The following FER variants were observed in gnomAD, a reference collection of about 807,000 sequenced individuals.
FER encodes tyrosine-protein kinase Fer.
In FER, 63 loss-of-function variants were observed where a neutral mutation model predicts 111.0. The ratio of observed to expected loss-of-function variants is 0.57; its 90% CI spans 0.46 to 0.70. The LOEUF is 0.70. Among genes scored for constraint, FER ranks in the 30% least tolerant of loss-of-function variants. The probability of loss-of-function intolerance (pLI) is 0.00; values close to 1 mark genes in which losing one functional copy is unlikely to be tolerated. For missense variants in FER, 914 were observed against 954.0 expected (o/e 0.96, Z 0.55); for synonymous variants, 327 against 313.9 (o/e 1.04, Z -0.44).
rs919771 is a variant in FER at position 109,044,718 on chromosome 5, T to C, written c.1752T>C (p.Asp584=). The C allele has an allele frequency of 0.13, 204,159 of 1,583,620 alleles. 14,514 individuals are homozygous for C. Among genetic ancestry groups the C allele is most frequent in the Non-Finnish European group, 0.14 (168,927 of 1,166,606 alleles). The stretch of plus-strand genomic sequence containing the variant: ...AAGTATATAAGGGCACATTAAAGGA[T>C]AAAACTTCTGTTGCTGTTAAAACAT... ...FGEVYKGTLK[D]KTSVAVKTCK... The change falls in exon 15 of 20, where the codon GAT becomes GAC. Residue 584 remains aspartate (D), a synonymous_variant. Coordinates refer to ENST00000281092, the MANE Select transcript of FER (RefSeq NM_005246.4).
intron 14 of FER, among the ~76,000 whole-genome samples, chr5:109,040,039 T>C (rs1314933653): frequency 1.3e-5 from 2 of 152,138 alleles, no homozygotes; most frequent in African/African-American, 4.8e-5. Context: ...TTGAATATCC[T>C]GATGGACTCT....
chr5:108,857,689 T>C (rs1763131135), intron 5 of FER, among the ~76,000 whole-genome samples: 1 of 152,142 alleles, frequency 6.6e-6, no homozygotes, highest in Non-Finnish European at 1.5e-5. Context: ...TTAATTTGTT[T>C]TTAATATAAG....
intron 10 of FER, among the ~76,000 whole-genome samples, chr5:108,927,349 T>C (rs1445044845): frequency 1.4e-5 from 2 of 145,162 alleles, no homozygotes; most frequent in Non-Finnish European, 3.0e-5. Flanking sequence ...CAAGCTCCGC[T>C]TCCCGGGTTC....
chr5:109,070,144 T>C (rs1775600195), intron 16 of FER, among the ~76,000 whole-genome samples: 2 of 150,254 alleles, frequency 1.3e-5, no homozygotes, highest in Non-Finnish European at 3.0e-5. Flanking sequence ...TTTTTTTTTT[T>C]CATCTCCGCA....
At chr5:108,906,754 C>G (rs369968255) in intron 10 of FER, among the ~76,000 whole-genome samples, 2 of 151,806 alleles carry the variant, frequency 1.3e-5, no homozygotes, top group Admixed American at 6.6e-5. Flanking sequence ...TTATTCATTA[C>G]TAAAATAATA....
At chr5:108,787,900 C>T (rs1754919750) in intron 2 of FER, among the ~76,000 whole-genome samples, 1 of 152,208 alleles carries the variant, frequency 6.6e-6, no homozygotes, top group Non-Finnish European at 1.5e-5. Flanking sequence ...TGCTCATCCT[C>T]CAGTTGTCTG....
At chr5:109,113,784 A>G (rs926245976) in intron 17 of FER, among the ~76,000 whole-genome samples, 1 of 152,160 alleles carries the variant, frequency 6.6e-6, no homozygotes, top group African/African-American at 2.4e-5. Flanking sequence ...AGCACAAAGT[A>G]TGTTTTACCT....
At chr5:108,898,307 A>T (rs1182924176) in intron 10 of FER, among the ~76,000 whole-genome samples, 2 of 152,280 alleles carry the variant, frequency 1.3e-5, no homozygotes, top group Non-Finnish European at 2.9e-5. Flanking sequence ...TGTGACCCTT[A>T]GACTACAATA....
At chr5:108,962,402 G>C (rs1053264424) in intron 13 of FER, among the ~76,000 whole-genome samples, 2 of 152,154 alleles carry the variant, frequency 1.3e-5, no homozygotes, top group Non-Finnish European at 2.9e-5. Context: ...TGACTACCAT[G>C]TATAAAATAA....
chr5:109,121,309 G>A (rs757686085), intron 17 of FER, among the ~76,000 whole-genome samples: 19 of 152,126 alleles, frequency 1.2e-4, no homozygotes, highest in Non-Finnish European at 2.5e-4. Flanking sequence ...ATGAAAACAT[G>A]TTGAATTTTG....
chr5:108,984,535 T>C (rs977182639), intron 13 of FER, among the ~76,000 whole-genome samples: 3 of 151,778 alleles, frequency 2.0e-5, no homozygotes, highest in Admixed American at 6.6e-5. Flanking sequence ...CCAAACATGA[T>C]GTTGGAGAAT....
chr5:108,905,341 T>A (rs1750603473), intron 10 of FER, among the ~76,000 whole-genome samples: 2 of 152,180 alleles, frequency 1.3e-5, no homozygotes, highest in African/African-American at 4.8e-5. Context: ...AAAAACTATA[T>A]GTATATATTT....
chr5:108,946,364 A>G (rs1186180919), intron 11 of FER, 142 bp downstream of exon 11: 9 of 519,692 alleles, frequency 1.7e-5, no homozygotes, highest in Non-Finnish European at 2.0e-5. Context: ...AAATGGAAAG[A>G]TAAGTGCATA....
chr5:108,790,389 G>A (rs1034046142), intron 2 of FER, among the ~76,000 whole-genome samples: 6 of 152,198 alleles, frequency 3.9e-5, no homozygotes, highest in Admixed American at 2.6e-4. Context: ...GCTTTTCTGT[G>A]TAGCTTAGAG....
At chr5:108,851,902 C>T (rs1419747474) in intron 5 of FER, among the ~76,000 whole-genome samples, 1 of 152,156 alleles carries the variant, frequency 6.6e-6, no homozygotes, top group African/African-American at 2.4e-5. Context: ...TATCATACAT[C>T]ATGTTCAGGA....
At chr5:108,769,296 G>T (rs1351103931) in intron 2 of FER, among the ~76,000 whole-genome samples, 2 of 152,094 alleles carry the variant, frequency 1.3e-5, no homozygotes, top group African/African-American at 4.8e-5. Flanking sequence ...GGCAGGGGAA[G>T]GGAGTAGTTT....
intron 16 of FER, among the ~76,000 whole-genome samples, chr5:109,064,166 C>A (rs1474772962): frequency 2.6e-5 from 4 of 152,148 alleles, no homozygotes; most frequent in African/African-American, 4.8e-5. Context: ...ACTGGCCATT[C>A]CTGCAGATAC....
intron 19 of FER, 148 bp downstream of exon 19, chr5:109,186,470 A>ACATCT (rs1359183211): frequency 8.7e-7 from 1 of 1,154,332 alleles, no homozygotes; most frequent in Non-Finnish European, 1.2e-6. Context: ...GATTTATCTA[A>ACATCT]CATCTCTGCT....
chr5:109,053,869 T>C (rs1233074918), intron 16 of FER, among the ~76,000 whole-genome samples: 3 of 151,934 alleles, frequency 2.0e-5, no homozygotes, highest in African/African-American at 7.3e-5. Flanking sequence ...TTTTTTGTAT[T>C]TTTAGTACTG....
Sources: gnomAD v4.1 joint callset for allele counts (sites outside exome capture counted in the v4.1 genomes callset) on GRCh38, gnomAD v4.1.1 for gene constraint, MANE v1.5 for transcripts, NCBI Gene and HGNC (gene_info 2026-07-23, HGNC 2026-07-21) for gene names.